GRM1: variants seen among roughly 807,000 people sequenced by gnomAD.
GRM1 encodes the protein glutamate metabotropic receptor 1.
GRM1 carries 33 observed loss-of-function variants against 90.9 expected under a neutral mutation model. That is an observed-to-expected ratio of 0.36 (90% CI 0.28 to 0.49). The LOEUF (loss-of-function observed/expected upper bound fraction) is 0.49. Ranked by LOEUF, GRM1 falls within the 20% of genes least tolerant of loss-of-function variation. GRM1 has a pLI of 0.99. For synonymous variants in GRM1, 700 were observed against 613.2 expected, an observed-to-expected ratio of 1.14 and a Z score of -2.09; for missense variants, 1,190 against 1,534.3, an observed-to-expected ratio of 0.78 and a Z score of 3.75.
chr6:146,399,451 T>G lies in GRM1; in HGVS notation c.2412T>G (p.Ile804Met), dbSNP rs561317116. The G allele has an allele frequency of 6.2e-7, 1 of 1,614,170 alleles. No homozygotes were observed. The highest frequency in any genetic ancestry group is 1.7e-5 in the Admixed American group (1 of 60,022). Reference protein sequence around the residue: ...TCIIWLAFVPIYFGSNYKIIT... With the variant: ...TCIIWLAFVPMYFGSNYKIIT... ...TCATCTGGCTAGCTTTTGTGCCCATTTACTTTGGGAGCAACTACAAGATCA... is the reference window on the plus strand; with the variant it reads ...TCATCTGGCTAGCTTTTGTGCCCATGTACTTTGGGAGCAACTACAAGATCA... The change falls in exon 7 of 8, where the codon ATT (isoleucine) becomes ATG (methionine). Residue 804 changes from isoleucine (I) to methionine (M), a missense_variant. Around this residue, in one of 10 missense-constraint regions of GRM1, gnomAD observed 73 missense variants for 150.6 expected, o/e 0.48. Coordinates refer to ENST00000282753, the MANE Select transcript of GRM1 (RefSeq NM_001278064.2). The surrounding 1 kb of genome is among the most constrained non-coding windows in gnomAD (Gnocchi z 5.4).
intron 5 of GRM1, among the ~76,000 whole-genome samples, chr6:146,359,763 A>T (rs181263439): frequency 6.6e-6 from 1 of 152,080 alleles, no homozygotes; most frequent in Non-Finnish European, 1.5e-5. Context: ...TTCTGCCATC[A>T]TGTTTGTGCT....
intron 1 of GRM1, among the ~76,000 whole-genome samples, chr6:146,060,502 T>C (rs568693220): frequency 6.6e-6 from 1 of 152,264 alleles, no homozygotes; most frequent in African/African-American, 2.4e-5. Flanking sequence ...CATGTGACAT[T>C]TGGTTTTCTG....
At chr6:146,337,445 G>A (rs1784815393) in intron 3 of GRM1, among the ~76,000 whole-genome samples, 1 of 152,148 alleles carries the variant, frequency 6.6e-6, no homozygotes, top group African/African-American at 2.4e-5. Context: ...ATCACTTGGG[G>A]GATATATTCC....
At chr6:146,103,001 A>G (rs550191706) in intron 1 of GRM1, among the ~76,000 whole-genome samples, 1 of 152,334 alleles carries the variant, frequency 6.6e-6, no homozygotes, top group Non-Finnish European at 1.5e-5. Context: ...AAATGGAGTC[A>G]CATTAAATTC....
chr6:146,435,273 C>A lies in GRM1; in HGVS notation c.*477C>A. Reference sequence around the variant, plus strand: ...CTGGTGGAGCCAGACAGAGCAGGTGCGGGGAAGGGAAGGGCCCAGGCCAGA... The same window carrying A: ...CTGGTGGAGCCAGACAGAGCAGGTGAGGGGAAGGGAAGGGCCCAGGCCAGA... On this transcript the variant is annotated 3_prime_UTR_variant, in exon 8 of 8. Coordinates refer to ENST00000282753, the MANE Select transcript of GRM1 (RefSeq NM_001278064.2). 3.6e-6 allele frequency: 1 copy of A among 279,720 alleles called. No individual in the cohort carries two copies. The highest frequency in any genetic ancestry group is 3.8e-5 in the South Asian group (1 of 26,456). 17.3% of individuals were successfully genotyped at this position (279,720 alleles called of 1,614,324 possible).
chr6:146,156,511 C>T (rs891262818), intron 1 of GRM1, among the ~76,000 whole-genome samples: 1 of 152,206 alleles, frequency 6.6e-6, no homozygotes, highest in Non-Finnish European at 1.5e-5. Context: ...GATTGACTGA[C>T]AAGGGGATCC....
intron 5 of GRM1, among the ~76,000 whole-genome samples, chr6:146,361,623 T>C (rs1399769922): frequency 6.6e-6 from 1 of 152,172 alleles, no homozygotes; most frequent in South Asian, 2.1e-4. Context: ...AGACATCATT[T>C]CAATTACTCC....
intron 1 of GRM1, among the ~76,000 whole-genome samples, chr6:146,120,370 A>T (rs1583029927): frequency 6.6e-6 from 1 of 152,308 alleles, no homozygotes; most frequent in South Asian, 2.1e-4. Context: ...ATATACAATC[A>T]TGTCATCTGC....
At chr6:146,337,624 G>T (rs147129318) in intron 3 of GRM1, among the ~76,000 whole-genome samples, 1 of 152,144 alleles carries the variant, frequency 6.6e-6, no homozygotes, top group Admixed American at 6.5e-5. Flanking sequence ...AAAAAGCGCT[G>T]CTTCCAGCTT....
intron 3 of GRM1, among the ~76,000 whole-genome samples, chr6:146,329,484 G>A (rs539533594): frequency 6.6e-6 from 1 of 152,232 alleles, no homozygotes; most frequent in South Asian, 2.1e-4. Flanking sequence ...AGGGTGTTGC[G>A]AGAGATTGGA....
intron 1 of GRM1, among the ~76,000 whole-genome samples, chr6:146,051,511 A>G (rs1269006932): frequency 6.6e-6 from 1 of 152,122 alleles, no homozygotes; most frequent in Non-Finnish European, 1.5e-5. Flanking sequence ...AACTGCTCCC[A>G]TCCCTTGACT....
At position 146,117,725 on chromosome 6, in the gene GRM1, C is replaced by T. The variant is rs550888004; in HGVS notation, c.701-41623C>T. Among the ~76,000 whole-genome samples, 10 of 152,088 alleles carry T rather than the reference C, an allele frequency of 6.6e-5. 1 individual carries two copies. In the South Asian group the frequency reaches 2.1e-3, roughly 32 times the overall value. ...ACATACTGAGTTTTCCTATCAGTTTCAAAGCTCAATATCTATAGCCTTTAT... is the reference window on the plus strand; with the variant it reads ...ACATACTGAGTTTTCCTATCAGTTTTAAAGCTCAATATCTATAGCCTTTAT... On this transcript the variant is annotated intron_variant, in intron 1 of 7. Coordinates refer to ENST00000282753, the MANE Select transcript of GRM1 (RefSeq NM_001278064.2).
At chr6:146,087,842 T>A (rs1053932170) in intron 1 of GRM1, among the ~76,000 whole-genome samples, 4 of 152,160 alleles carry the variant, frequency 2.6e-5, no homozygotes, top group African/African-American at 9.7e-5. Context: ...CCATTCCCTG[T>A]TGGAGGACAT....
At chr6:146,225,374 T>A (rs1283680555) in intron 2 of GRM1, among the ~76,000 whole-genome samples, 1 of 152,104 alleles carries the variant, frequency 6.6e-6, no homozygotes, top group Non-Finnish European at 1.5e-5. Flanking sequence ...AGTATAATAA[T>A]CTCCAGGGAA....
At chr6:146,207,207 T>G (rs1450460032) in intron 2 of GRM1, among the ~76,000 whole-genome samples, 1 of 152,176 alleles carries the variant, frequency 6.6e-6, no homozygotes, top group Non-Finnish European at 1.5e-5. Flanking sequence ...AATGGTAGTA[T>G]ACTTTAAGCT....
intron 2 of GRM1, among the ~76,000 whole-genome samples, chr6:146,196,484 T>TC (rs1779127340): frequency 1.3e-5 from 2 of 149,054 alleles, no homozygotes; most frequent in Admixed American, 6.6e-5. Flanking sequence ...TTTTTTTTTT[T>TC]TTAGTAGAGA....
At chr6:146,166,165 C>A (rs1777895870) in intron 2 of GRM1, among the ~76,000 whole-genome samples, 1 of 152,086 alleles carries the variant, frequency 6.6e-6, no homozygotes, top group Non-Finnish European at 1.5e-5. Flanking sequence ...GCAGTTCCTA[C>A]CTGGGTTTAA....
chr6:146,425,369 G>C (rs2114672061), intron 7 of GRM1, among the ~76,000 whole-genome samples: 1 of 152,286 alleles, frequency 6.6e-6, no homozygotes, highest in African/African-American at 2.4e-5. Context: ...GACTTGGAAT[G>C]GGAAGGGGCA....
chr6:146,072,732 A>G (rs1776055235), intron 1 of GRM1, among the ~76,000 whole-genome samples: 1 of 152,156 alleles, frequency 6.6e-6, no homozygotes, highest in Non-Finnish European at 1.5e-5. Context: ...AATTAATTAT[A>G]AAGCAAAAGA....
Sources: gnomAD v4.1 joint callset for allele counts (sites outside exome capture counted in the v4.1 genomes callset) on GRCh38, gnomAD v4.1.1 for gene constraint, gnomAD v4.1.1 regional missense constraint, Gnocchi (gnomAD v3.1) non-coding constraint, MANE v1.5 for transcripts, NCBI Gene and HGNC (gene_info 2026-07-23, HGNC 2026-07-21) for gene names.